TNFRSF1B: variants seen among roughly 807,000 people sequenced by gnomAD.
TNFRSF1B encodes tumor necrosis factor receptor superfamily member 1B.
TNFRSF1B carries 19 observed loss-of-function variants against 44.6 expected under a neutral mutation model. The observed-to-expected ratio is 0.43, with a 90% confidence interval of 0.30 to 0.62. TNFRSF1B has a LOEUF of 0.62. TNFRSF1B is among the 20% of genes least tolerant of loss of function. The probability of loss-of-function intolerance (pLI) is 0.16; values close to 1 mark genes in which losing one functional copy is unlikely to be tolerated. For missense variants in TNFRSF1B, 541 were observed against 619.9 expected (o/e 0.87, Z 1.35); for synonymous variants, 252 against 261.1 (o/e 0.97, Z 0.34).
intron 8 of TNFRSF1B, 114 bp from the exon 9 acceptor site, chr1:12,201,853 G>A (rs189572943): frequency 3.8e-5 from 53 of 1,400,466 alleles, no homozygotes; most frequent in Admixed American, 2.1e-4. Context: ...GAAACGTCAC[G>A]TAAACTGAGA....
chr1:12,196,126 C>T (rs560312842), intron 8 of TNFRSF1B, among the ~76,000 whole-genome samples: 38 of 152,138 alleles, frequency 2.5e-4, no homozygotes, highest in African/African-American at 9.2e-4. Flanking sequence ...CATGGTAAAA[C>T]CCCATCTCTA....
At chr1:12,174,866 T>C (rs1381561838) in intron 1 of TNFRSF1B, among the ~76,000 whole-genome samples, 3 of 152,262 alleles carry the variant, frequency 2.0e-5, no homozygotes, top group East Asian at 1.9e-4. Flanking sequence ...ATCTCTACTC[T>C]GTGGGTCCCT....
rs1273843613 is a variant in TNFRSF1B, at chr1:12,191,974, T to C, written c.457+51T>C. 7 of 1,579,066 alleles carry C rather than the reference T, an allele frequency of 4.4e-6. No individual in the cohort carries two copies. In the East Asian group the frequency reaches 9.0e-5, roughly 20 times the overall value. ...GGGACGCCCATGGGCCTCTCCTTTG[T>C]AGACATCCTTGCAGTGTCACGGGCA... On this transcript the variant is annotated intron_variant, in intron 4 of 9. Coordinates refer to ENST00000376259, the MANE Select transcript of TNFRSF1B (RefSeq NM_001066.3).
intron 7 of TNFRSF1B, 101 bp from the exon 8 acceptor site, chr1:12,194,483 G>A: frequency 7.8e-7 from 1 of 1,274,138 alleles, no homozygotes; most frequent in South Asian, 1.2e-5. Flanking sequence ...CACAGGGCTG[G>A]GCCTCTCTGC....
At chr1:12,184,979 G>A (rs934987227) in intron 1 of TNFRSF1B, among the ~76,000 whole-genome samples, 1 of 152,196 alleles carries the variant, frequency 6.6e-6, no homozygotes, top group African/African-American at 2.4e-5. Context: ...CTGTGTCTGG[G>A]AGGCCGTTCG....
At chr1:12,206,221 C>G (rs1290274617) in intron 9 of TNFRSF1B, among the ~76,000 whole-genome samples, 1 of 151,944 alleles carries the variant, frequency 6.6e-6, no homozygotes, top group African/African-American at 2.4e-5. Context: ...AACCCTGTCT[C>G]TACAAAAAAT....
intron 8 of TNFRSF1B, among the ~76,000 whole-genome samples, chr1:12,198,141 AC>A (rs1248310654): frequency 7.9e-5 from 11 of 138,472 alleles, no homozygotes; most frequent in African/African-American, 2.2e-4. Context: ...AAAAAAAAAA[AC>A]CAATATGTGA....
chr1:12,200,305 T>C (rs962767155), intron 8 of TNFRSF1B, among the ~76,000 whole-genome samples: 1 of 151,916 alleles, frequency 6.6e-6, no homozygotes, highest in African/African-American at 2.4e-5. Flanking sequence ...CAGGGGAAGT[T>C]GCAGAGCAGC....
intron 1 of TNFRSF1B, among the ~76,000 whole-genome samples, chr1:12,183,706 A>AT (rs368350761): frequency 0.063 from 7,586 of 121,062 alleles, 384 homozygotes; most frequent in East Asian, 0.1. Flanking sequence ...CTATCTATCT[A>AT]TCTATTCTAT....
At chr1:12,204,424 A>C (rs1439282532) in intron 9 of TNFRSF1B, among the ~76,000 whole-genome samples, 1 of 152,194 alleles carries the variant, frequency 6.6e-6, no homozygotes, top group Non-Finnish European at 1.5e-5. Flanking sequence ...TGAGCACAGC[A>C]GGTTGCCAGC....
intron 1 of TNFRSF1B, among the ~76,000 whole-genome samples, chr1:12,172,329 G>A (rs1434749343): frequency 2.0e-5 from 3 of 152,238 alleles, no homozygotes; most frequent in African/African-American, 7.2e-5. Context: ...TTTACTGGCT[G>A]TGTGACCTGG....
At chr1:12,170,388 G>T (rs17878610) in intron 1 of TNFRSF1B, among the ~76,000 whole-genome samples, 5,620 of 152,262 alleles carry the variant, frequency 0.037, 361 homozygotes, top group African/African-American at 0.12. Flanking sequence ...ATCTGTGGTT[G>T]TGGAAAGTAT....
At chr1:12,197,769 C>T (rs1345673844) in intron 8 of TNFRSF1B, among the ~76,000 whole-genome samples, 1 of 152,184 alleles carries the variant, frequency 6.6e-6, no homozygotes, top group African/African-American at 2.4e-5. Flanking sequence ...CACCCACCTG[C>T]TCCTCCTGCC....
chr1:12,193,170 C>G (rs1463000110), intron 6 of TNFRSF1B, 72 bp downstream of exon 6: 1 of 1,410,004 alleles, frequency 7.1e-7, no homozygotes, highest in South Asian at 1.2e-5. Flanking sequence ...TCTTCCTCTC[C>G]CATGGTTTTA....
intron 2 of TNFRSF1B, 56 bp downstream of exon 2, chr1:12,188,951 C>A: frequency 6.5e-7 from 1 of 1,535,714 alleles, no homozygotes; most frequent in Non-Finnish European, 8.9e-7. Flanking sequence ...CGTGTGTGTA[C>A]AGGGGCTGGG....
intron 6 of TNFRSF1B, 84 bp downstream of exon 6, chr1:12,193,182 TGA>T (rs767116063): frequency 1.1e-5 from 14 of 1,302,190 alleles, no homozygotes; most frequent in Admixed American, 2.0e-5. Context: ...ATGGTTTTAC[TGA>T]GAGCCCACGG....
At chr1:12,196,381 T>C (rs1398677177) in intron 8 of TNFRSF1B, among the ~76,000 whole-genome samples, 1 of 152,230 alleles carries the variant, frequency 6.6e-6, no homozygotes, top group Non-Finnish European at 1.5e-5. Flanking sequence ...CAGCAGCATC[T>C]TTGGTCTTTA....
rs975244469 is a variant in TNFRSF1B at position 12,177,828 on chromosome 1, C to T, written c.78+10659C>T. On this transcript the variant is annotated intron_variant, in intron 1 of 9. Coordinates refer to ENST00000376259, the MANE Select transcript of TNFRSF1B (RefSeq NM_001066.3). The surrounding 1 kb of genome is among the most constrained non-coding windows in gnomAD (Gnocchi z 4.3). The stretch of plus-strand genomic sequence containing the variant: ...AAAAAAAAGAAGAGCTGACATTTAG[C>T]GGGTGCTTCTTGGGTGCAATGCGCA... Among the ~76,000 whole-genome samples, 1 of 151,568 alleles carries T rather than the reference C, an allele frequency of 6.6e-6. No individual in the cohort carries two copies. The highest frequency in any genetic ancestry group is 6.6e-5 in the Admixed American group (1 of 15,230).
rs1639533811 is a variant in TNFRSF1B at position 12,207,505 on chromosome 1, GTGCTTCAGCCT to G, written c.*486_*496del. On this transcript the variant is annotated 3_prime_UTR_variant, in exon 10 of 10. Transcript: ENST00000376259. ...CTGAGTCACCCATGAAGACAGGACA[GTGCTTCAGCCT>G]GAGGCTGAGACTGCGGGATGGTCCT... 6.4e-6 allele frequency: 1 copy of G among 156,588 alleles called. No homozygotes were observed. Among genetic ancestry groups the G allele is most frequent in the Non-Finnish European group, 1.4e-5 (1 of 71,120 alleles). The allele number at this position is 156,588 out of a possible 1,614,324, so 9.7% of individuals were successfully genotyped here.
Sources: allele counts gnomAD v4.1 joint callset (sites outside exome capture counted in the v4.1 genomes callset), GRCh38; gene constraint gnomAD v4.1.1; non-coding constraint Gnocchi (gnomAD v3.1); transcripts MANE v1.5; gene names NCBI Gene and HGNC (gene_info 2026-07-23, HGNC 2026-07-21).